MAF: variants seen among roughly 807,000 people sequenced by gnomAD.
MAF encodes MAF bZIP transcription factor, also known as transcription factor Maf.
A neutral mutation model predicts 22.0 loss-of-function variants in MAF; 10 were observed. The observed-to-expected ratio is 0.45, with a 90% CI of 0.28 to 0.77. The LOEUF (loss-of-function observed/expected upper bound fraction) is 0.77. Among genes scored for constraint, MAF ranks in the 30% least tolerant of loss-of-function variants. The pLI is 0.12. For synonymous variants in MAF, 337 were observed against 255.8 expected (o/e 1.32, Z -3.03); for missense variants, 544 against 548.4 (o/e 0.99, Z 0.08).
the MAF span, among the ~76,000 whole-genome samples, chr16:79,412,705 G>C: frequency 2.0e-5 from 3 of 152,164 alleles, no homozygotes; most frequent in African/African-American, 7.2e-5. Context: ...ATAGGCTCCA[G>C]CAGTTGTTGT....
the MAF span, among the ~76,000 whole-genome samples, chr16:79,506,613 G>A: frequency 6.6e-6 from 1 of 152,280 alleles, no homozygotes; most frequent in Admixed American, 6.5e-5. Flanking sequence ...AGAGAGGAAG[G>A]CCAAGACCCA....
the MAF span, among the ~76,000 whole-genome samples, chr16:79,459,661 T>C: frequency 3.3e-5 from 5 of 151,854 alleles, no homozygotes; most frequent in African/African-American, 1.2e-4. Context: ...CAGCCTCGAC[T>C]TCCTGGGCTC....
the MAF span, among the ~76,000 whole-genome samples, chr16:79,289,234 C>G: frequency 6.6e-6 from 1 of 152,096 alleles, no homozygotes; most frequent in Non-Finnish European, 1.5e-5. Flanking sequence ...AGTGCTCTGG[C>G]AGCAGAGTGG....
the MAF span, among the ~76,000 whole-genome samples, chr16:79,408,091 A>AAAAC: frequency 6.7e-6 from 1 of 149,524 alleles, no homozygotes; most frequent in Admixed American, 6.6e-5. Flanking sequence ...AAAAAAAAAA[A>AAAAC]AAAAAAAAAC....
At chr16:79,564,502 T>C in the MAF span, among the ~76,000 whole-genome samples, 42,650 of 152,084 alleles carry the variant, frequency 0.28, 6,942 homozygotes, top group Non-Finnish European at 0.38. Flanking sequence ...GCCTGATAAC[T>C]TCCCTGATGG....
chr16:79,225,810 A>C, the MAF span, among the ~76,000 whole-genome samples: 3,422 of 152,346 alleles, frequency 0.022, 54 homozygotes, highest in Middle Eastern at 0.082. Flanking sequence ...AGAGAAATGC[A>C]AATCACAAAC....
At chr16:79,254,672 G>A in the MAF span, among the ~76,000 whole-genome samples, 30 of 152,140 alleles carry the variant, frequency 2.0e-4, no homozygotes, top group African/African-American at 7.0e-4. Flanking sequence ...CTGGGATCTC[G>A]GTTCCTGGAT....
chr16:79,492,483 G>A, the MAF span, among the ~76,000 whole-genome samples: 7 of 148,712 alleles, frequency 4.7e-5, no homozygotes, highest in Admixed American at 6.7e-5. Context: ...TATAGCAAAA[G>A]AAAAAAAAAA....
At chr16:79,494,748 G>T in the MAF span, among the ~76,000 whole-genome samples, 3 of 152,130 alleles carry the variant, frequency 2.0e-5, no homozygotes, top group African/African-American at 7.2e-5. Flanking sequence ...GAGTTATGCA[G>T]ATCCCGTAGA....
the MAF span, among the ~76,000 whole-genome samples, chr16:79,244,382 A>G: frequency 2.6e-5 from 4 of 152,140 alleles, no homozygotes; most frequent in African/African-American, 9.6e-5. Context: ...AGCATACAAA[A>G]TCAATGTGCA....
At chr16:79,382,970 C>CT in the MAF span, among the ~76,000 whole-genome samples, 1 of 152,182 alleles carries the variant, frequency 6.6e-6, no homozygotes, top group African/African-American at 2.4e-5. Flanking sequence ...CATTCATTCA[C>CT]TCATTCATCC....
chr16:79,572,174 T>A, the MAF span, among the ~76,000 whole-genome samples: 1 of 152,166 alleles, frequency 6.6e-6, no homozygotes, highest in South Asian at 2.1e-4. Flanking sequence ...ACAGTGAAAT[T>A]TCCACAACCA....
At chr16:79,213,222 C>G in the MAF span, among the ~76,000 whole-genome samples, 1 of 152,164 alleles carries the variant, frequency 6.6e-6, no homozygotes, top group Non-Finnish European at 1.5e-5. Flanking sequence ...ATTGTTCCCC[C>G]TCCTGATCAT....
the MAF span, among the ~76,000 whole-genome samples, chr16:79,247,171 G>C: frequency 6.6e-6 from 1 of 152,206 alleles, no homozygotes; most frequent in African/African-American, 2.4e-5. Context: ...ATAAAGTCAA[G>C]TCCTGCCTGG....
the MAF span, among the ~76,000 whole-genome samples, chr16:79,565,756 G>A: frequency 0.18 from 27,479 of 152,144 alleles, 2,671 homozygotes; most frequent in Middle Eastern, 0.24. Context: ...CCCAGTCCCA[G>A]GTATGTGTTT....
At chr16:79,303,593 C>G in the MAF span, among the ~76,000 whole-genome samples, 1 of 152,154 alleles carries the variant, frequency 6.6e-6, no homozygotes, top group Non-Finnish European at 1.5e-5. Context: ...TGGCCAAACC[C>G]AGTGCCTACG....
chr16:79,220,218 T>C, the MAF span, among the ~76,000 whole-genome samples: 1 of 130,998 alleles, frequency 7.6e-6, no homozygotes, highest in Admixed American at 9.1e-5. Flanking sequence ...ATGGTGCCAA[T>C]GCACTCCAGC....
chr16:79,392,529 G>C, the MAF span, among the ~76,000 whole-genome samples: 1 of 151,950 alleles, frequency 6.6e-6, no homozygotes, highest in Admixed American at 6.6e-5. Flanking sequence ...AACAAAGCCA[G>C]TAAACAAGAG....
At chr16:79,394,522 A>G in the MAF span, among the ~76,000 whole-genome samples, 2 of 152,186 alleles carry the variant, frequency 1.3e-5, no homozygotes, top group Non-Finnish European at 2.9e-5. Flanking sequence ...TAGATGGGGC[A>G]CATACTCTTC....
Sources: gnomAD v4.1 joint callset for allele counts (sites outside exome capture counted in the v4.1 genomes callset) on GRCh38, gnomAD v4.1.1 for gene constraint, MANE v1.5 for transcripts, NCBI Gene and HGNC (gene_info 2026-07-23, HGNC 2026-07-21) for gene names.